GRK5: variants seen among roughly 807,000 people sequenced by gnomAD.
GRK5 encodes G protein-coupled receptor kinase 5, also known as g protein-coupled receptor kinase GRK5.
GRK5 carries 40 observed loss-of-function variants against 78.4 expected under a neutral mutation model. That is an observed-to-expected ratio of 0.51 (90% confidence interval 0.40 to 0.66). GRK5 has a LOEUF of 0.66. Among genes scored for constraint, GRK5 ranks in the 30% least tolerant of loss-of-function variants. The pLI is 0.00. For synonymous variants in GRK5, 289 were observed against 296.8 expected (o/e 0.97, Z 0.27); for missense variants, 598 against 759.9 (o/e 0.79, Z 2.50).
chr10:119,233,592 C>T (rs1010591809), intron 1 of GRK5, among the ~76,000 whole-genome samples: 5 of 152,108 alleles, frequency 3.3e-5, no homozygotes, highest in African/African-American at 1.2e-4. Context: ...GATGTACCCC[C>T]CTGGTTTCCT....
At position 119,379,207 on chromosome 10, in the gene GRK5, A is replaced by T. The variant is rs1456150342; in HGVS notation, c.149-1608A>T. ...GTGGTTTCTATGTATTGTCTTATTCATTCTTCGGGACGGTCCTAGGAGTTA... is the reference window on the plus strand; with the variant it reads ...GTGGTTTCTATGTATTGTCTTATTCTTTCTTCGGGACGGTCCTAGGAGTTA... On this transcript the variant is annotated intron_variant, in intron 2 of 15. Transcript: ENST00000392870. This position sits in a 1 kb window ranked among gnomAD's most constrained non-coding sequence, Gnocchi z 4.1. 3.3e-5 allele frequency among the ~76,000 whole-genome samples: 5 copies of T among 152,170 alleles called. No homozygotes were observed. The highest frequency in any genetic ancestry group is 3.3e-4 in the Admixed American group (5 of 15,284).
chr10:119,329,857 CTTTTTT>C (rs1177940254), intron 2 of GRK5, among the ~76,000 whole-genome samples: 2 of 110,364 alleles, frequency 1.8e-5, no homozygotes, highest in African/African-American at 4.0e-5. Context: ...CAGACACCTA[CTTTTTT>C]TTTTTTTTTT....
At chr10:119,251,948 C>G (rs1166673733) in intron 1 of GRK5, among the ~76,000 whole-genome samples, 1 of 152,200 alleles carries the variant, frequency 6.6e-6, no homozygotes, top group African/African-American at 2.4e-5. Context: ...CTCAGCCCTT[C>G]CACTAAGGAT....
chr10:119,427,787 T>G (rs897375913), intron 6 of GRK5, among the ~76,000 whole-genome samples: 1 of 150,292 alleles, frequency 6.7e-6, no homozygotes, highest in African/African-American at 2.5e-5. Context: ...ACCACCATCA[T>G]CAGCATCACC....
At chr10:119,304,457 A>G (rs986822099) in intron 1 of GRK5, among the ~76,000 whole-genome samples, 1 of 151,742 alleles carries the variant, frequency 6.6e-6, no homozygotes, top group African/African-American at 2.4e-5. Flanking sequence ...GCGCCTGGCT[A>G]ATTTGCTGCT....
In GRK5 at chr10:119,257,950, T is replaced by C. The variant is rs1589706025; in HGVS notation, c.52+49981T>C. 2.0e-5 allele frequency among the ~76,000 whole-genome samples: 3 copies of C among 152,340 alleles called. No individual in the cohort carries two copies. In the South Asian group the frequency reaches 6.2e-4, roughly 32 times the overall value. Reference sequence around the variant, plus strand: ...CTCTTTTATTTTTTTCCCATTTATTTAGTGAAAATGTAATTTATATACAGT... The same window carrying C: ...CTCTTTTATTTTTTTCCCATTTATTCAGTGAAAATGTAATTTATATACAGT... On this transcript the variant is annotated intron_variant, in intron 1 of 15. Transcript: ENST00000392870.
At chr10:119,439,500 C>A (rs758538179) in intron 9 of GRK5, among the ~76,000 whole-genome samples, 1 of 152,256 alleles carries the variant, frequency 6.6e-6, no homozygotes, top group Non-Finnish European at 1.5e-5. Flanking sequence ...CAGTCACCCT[C>A]CAGGATTGGG....
At chr10:119,266,560 G>A (rs1849501883) in intron 1 of GRK5, among the ~76,000 whole-genome samples, 1 of 152,154 alleles carries the variant, frequency 6.6e-6, no homozygotes, top group African/African-American at 2.4e-5. Flanking sequence ...CATAACTTGG[G>A]TGTTTTCAAG....
rs1853411252 is a variant in GRK5 at position 119,457,080 on chromosome 10, C to A, written c.*2013C>A. 6.6e-6 allele frequency: 1 copy of A among 152,204 alleles called. No individual in the cohort carries two copies. The highest frequency in any genetic ancestry group is 2.1e-4 in the South Asian group (1 of 4,830). 9.4% of individuals were successfully genotyped at this position (152,204 alleles called of 1,614,324 possible). Reference sequence around the variant, plus strand: ...AATGCAAAACAAATACAGCCACATTCAAGTCTTCCAAGGAAGTAGAAAACT... The same window carrying A: ...AATGCAAAACAAATACAGCCACATTAAAGTCTTCCAAGGAAGTAGAAAACT... On this transcript the variant is annotated 3_prime_UTR_variant, in exon 16 of 16. Coordinates refer to ENST00000392870, the MANE Select transcript of GRK5 (RefSeq NM_005308.3).
chr10:119,256,108 A>G (rs1849278801), intron 1 of GRK5, among the ~76,000 whole-genome samples: 1 of 151,970 alleles, frequency 6.6e-6, no homozygotes, highest in African/African-American at 2.4e-5. Flanking sequence ...TGGTATTGAC[A>G]GTCCTCTGTC....
At chr10:119,244,615 TCCTAGCTAC>T (rs2133744868) in intron 1 of GRK5, among the ~76,000 whole-genome samples, 1 of 152,278 alleles carries the variant, frequency 6.6e-6, no homozygotes, top group East Asian at 1.9e-4. Context: ...GGGCCTATAG[TCCTAGCTAC>T]ACAGGAGGCT....
Position 119,458,863 on chromosome 10 carries a change from C to A in GRK5, c.*3796C>A. 1 of 152,132 alleles carries A rather than the reference C, an allele frequency of 6.6e-6. No individual in the cohort carries two copies. The highest frequency in any genetic ancestry group is 1.9e-4 in the East Asian group (1 of 5,188). 9.4% of individuals were successfully genotyped at this position (152,132 alleles called of 1,614,324 possible). ...GCCGCTGCCCTCAAAACGGAGGGGG[C>A]ACCGCAGCCTCCTTGAGCCTGGCAT... is the stretch of plus-strand genomic sequence containing the variant. On this transcript the variant is annotated 3_prime_UTR_variant, in exon 16 of 16. Coordinates refer to ENST00000392870, the MANE Select transcript of GRK5 (RefSeq NM_005308.3).
chr10:119,260,208 A>G (rs1386131764), intron 1 of GRK5, among the ~76,000 whole-genome samples: 1 of 152,054 alleles, frequency 6.6e-6, no homozygotes, highest in Non-Finnish European at 1.5e-5. Context: ...TCATCGTGTT[A>G]GCCAGGATGG....
intron 1 of GRK5, among the ~76,000 whole-genome samples, chr10:119,296,900 T>G (rs1341345450): frequency 6.6e-6 from 1 of 152,242 alleles, no homozygotes; most frequent in Non-Finnish European, 1.5e-5. Flanking sequence ...AGTGCTCTTG[T>G]GCAGAAAGAC....
At chr10:119,296,911 A>C (rs1445728186) in intron 1 of GRK5, among the ~76,000 whole-genome samples, 3 of 152,228 alleles carry the variant, frequency 2.0e-5, no homozygotes, top group Admixed American at 1.3e-4. Flanking sequence ...GCAGAAAGAC[A>C]TACTGGTCAC....
At position 119,431,638 on chromosome 10, in the gene GRK5, G is replaced by A. The variant is rs1221620871; in HGVS notation, c.738+111G>A. Reference sequence around the variant, plus strand: ...GCGGCCGGTCCCCACCCCTGGGAAGGGGAATGCCAGTGGCAGCGCTGAGCT... The same window carrying A: ...GCGGCCGGTCCCCACCCCTGGGAAGAGGAATGCCAGTGGCAGCGCTGAGCT... On this transcript the variant is annotated intron_variant, in intron 8 of 15. Coordinates refer to ENST00000392870, the MANE Select transcript of GRK5 (RefSeq NM_005308.3). This position sits in a 1 kb window ranked among gnomAD's most constrained non-coding sequence, Gnocchi z 4.8. The A allele has an allele frequency of 2.3e-6, 3 of 1,301,080 alleles. No individual in the cohort carries two copies. The highest frequency in any genetic ancestry group is 3.1e-6 in the Non-Finnish European group (3 of 952,448). 80.6% of individuals were successfully genotyped at this position (1,301,080 alleles called of 1,614,324 possible).
At chr10:119,283,795 C>T (rs992974949) in intron 1 of GRK5, among the ~76,000 whole-genome samples, 3 of 152,234 alleles carry the variant, frequency 2.0e-5, no homozygotes, top group Admixed American at 6.5e-5. Flanking sequence ...AAAGCTGAGA[C>T]GTGAGCCTGG....
In GRK5 at chr10:119,379,165, G is replaced by A. The variant is rs1312231948; in HGVS notation, c.149-1650G>A. Among the ~76,000 whole-genome samples, 4 of 152,184 alleles carry A rather than the reference G, an allele frequency of 2.6e-5. No individual in the cohort carries two copies. Among genetic ancestry groups the A allele is most frequent in the Non-Finnish European group, 5.9e-5 (4 of 68,034 alleles). ...GATGAGAAATGGGGTTTATTAATGT[G>A]CCAGCATCTGGTCTGAGTGGTTTCT... On this transcript the variant is annotated intron_variant, in intron 2 of 15. Coordinates refer to ENST00000392870, the MANE Select transcript of GRK5 (RefSeq NM_005308.3). This position sits in a 1 kb window ranked among gnomAD's most constrained non-coding sequence, Gnocchi z 4.1.
chr10:119,430,445 G>C lies in GRK5; in HGVS notation c.597+7G>C. On this transcript the variant is annotated splice_region_variant and intron_variant, in intron 7 of 15. Coordinates refer to ENST00000392870, the MANE Select transcript of GRK5 (RefSeq NM_005308.3). This position sits in a 1 kb window ranked among gnomAD's most constrained non-coding sequence, Gnocchi z 4.5. Reference sequence around the variant, plus strand: ...AAAAGGGGGCTTCGGGGAGGTGAGTGAACATTCACGTTTTTAATTGAAAGT... The same window carrying C: ...AAAAGGGGGCTTCGGGGAGGTGAGTCAACATTCACGTTTTTAATTGAAAGT... The C allele has an allele frequency of 6.2e-7, 1 of 1,609,014 alleles. No individual in the cohort carries two copies. The highest frequency in any genetic ancestry group is 8.5e-7 in the Non-Finnish European group (1 of 1,177,132).
Sources: allele counts gnomAD v4.1 joint callset (sites outside exome capture counted in the v4.1 genomes callset), GRCh38; gene constraint gnomAD v4.1.1; non-coding constraint Gnocchi (gnomAD v3.1); transcripts MANE v1.5; gene names NCBI Gene and HGNC (gene_info 2026-07-23, HGNC 2026-07-21).